ATP6V0A2: variants seen among roughly 807,000 people sequenced by gnomAD.
ATP6V0A2 encodes V-type proton ATPase 116 kDa subunit a 2.
ATP6V0A2 carries 58 observed loss-of-function variants against 104.4 expected under a neutral mutation model. The observed-to-expected ratio is 0.56, with a 90% CI of 0.45 to 0.69. ATP6V0A2 has a LOEUF of 0.69. Ranked by LOEUF, ATP6V0A2 falls within the 30% of genes least tolerant of loss-of-function variation. The pLI, the probability that ATP6V0A2 is intolerant of heterozygous loss-of-function variation, is 0.00. For synonymous variants in ATP6V0A2, 376 were observed against 397.9 expected, an observed-to-expected ratio of 0.95 and a Z score of 0.65; for missense variants, 938 against 1,062.9, an observed-to-expected ratio of 0.88 and a Z score of 1.63.
Position 123,748,689 on chromosome 12 carries a change from A to G in ATP6V0A2, c.1839A>G (p.Ser613=). Residue 613 remains serine, a synonymous_variant, in exon 15 of 20, where the codon TCA becomes TCG. Transcript: ENST00000330342. ...FMIFYKWLVF[S]AETSRVAPSI... ...TTTTCTACAAGTGGCTGGTTTTTTC[A>G]GCAGAAACCTCCAGAGTTGCTCCCA... is the stretch of plus-strand genomic sequence containing the variant. 1 of 1,614,152 alleles carries G rather than the reference A, an allele frequency of 6.2e-7. No homozygotes were observed. The highest frequency in any genetic ancestry group is 8.5e-7 in the Non-Finnish European group (1 of 1,180,012).
intron 3 of ATP6V0A2, chr12:123,724,144 CA>C (rs1956425897): frequency 6.6e-6 from 1 of 150,826 alleles, no homozygotes; most frequent in African/African-American, 2.4e-5. Context: ...AGCTGGAGTG[CA>C]GTGACACGAT....
intron 17 of ATP6V0A2, chr12:123,754,178 G>A (rs1017212368): frequency 3.3e-6 from 2 of 597,170 alleles, no homozygotes; most frequent in Non-Finnish European, 6.0e-6. Flanking sequence ...TGAGGCGTGC[G>A]GTGGGAGTGG....
chr12:123,742,665 C>T (rs575172305), intron 9 of ATP6V0A2, among the ~76,000 whole-genome samples: 21 of 152,078 alleles, frequency 1.4e-4, no homozygotes, highest in African/African-American at 2.2e-4. Flanking sequence ...GGTGAAACTC[C>T]GTCTCTACTA....
chr12:123,730,044 C>CTTTT (rs776847603), intron 6 of ATP6V0A2, among the ~76,000 whole-genome samples: 5 of 70,286 alleles, frequency 7.1e-5, no homozygotes, highest in African/African-American at 1.3e-4. Flanking sequence ...GGAGTTAGGT[C>CTTTT]TTTTTTTTTT....
chr12:123,725,740 T>C (rs1263876296), intron 4 of ATP6V0A2, among the ~76,000 whole-genome samples: 1 of 151,346 alleles, frequency 6.6e-6, no homozygotes, highest in African/African-American at 2.4e-5. Context: ...GAGCTATGAT[T>C]GCGCCACTGC....
At chr12:123,736,993 G>A (rs1956560455) in intron 8 of ATP6V0A2, 66 bp from the exon 9 acceptor site, 10 of 1,483,120 alleles carry the variant, frequency 6.7e-6, no homozygotes, top group East Asian at 2.3e-5. Context: ...AAGGGAAGTC[G>A]GGTGCCAGGT....
chr12:123,725,026 T>C (rs1956435982), intron 4 of ATP6V0A2, among the ~76,000 whole-genome samples: 1 of 152,060 alleles, frequency 6.6e-6, no homozygotes, highest in Admixed American at 6.6e-5. Context: ...CCCTCCGCCT[T>C]CCGGGTTCAA....
intron 3 of ATP6V0A2, 56 bp downstream of exon 3, chr12:123,722,504 T>G: frequency 1.0e-6 from 1 of 994,944 alleles, no homozygotes; most frequent in Non-Finnish European, 1.6e-6. Flanking sequence ...GCTGCTTACT[T>G]ACTTATTTCA....
At chr12:123,727,579 G>C (rs1335954223) in intron 5 of ATP6V0A2, among the ~76,000 whole-genome samples, 1 of 152,036 alleles carries the variant, frequency 6.6e-6, no homozygotes. Flanking sequence ...GCCCAGCCAA[G>C]AATTTCTCTT....
In ATP6V0A2 at chr12:123,751,121, G is replaced by T. The variant is rs1956709755; in HGVS notation, c.1947G>T (p.Gln649His). Residue 649 changes from glutamine to histidine, a missense_variant, in exon 16 of 20, where the codon CAG (glutamine) becomes CAT (histidine). Transcript: ENST00000330342. The stretch of plus-strand genomic sequence containing the variant: ...TTCTGCACTAACAGGAGTATGTCCA[G>T]AGAGTGCTGCTGGTTGTCACAGCAT... Reference protein sequence around the residue: ...SGLYTGQEYVQRVLLVVTALS... With the variant: ...SGLYTGQEYVHRVLLVVTALS... The T allele has an allele frequency of 1.9e-6, 3 of 1,614,034 alleles. No homozygotes were observed. The highest frequency in any genetic ancestry group is 2.5e-6 in the Non-Finnish European group (3 of 1,180,046).
At chr12:123,736,001 T>C (rs111910169) in intron 8 of ATP6V0A2, among the ~76,000 whole-genome samples, 4,556 of 151,942 alleles carry the variant, frequency 0.03, 226 homozygotes, top group African/African-American at 0.1. Flanking sequence ...GCCTCCCAAG[T>C]AGCCGGAATT....
chr12:123,721,664 C>A (rs1956401125), intron 2 of ATP6V0A2: 1 of 205,336 alleles, frequency 4.9e-6, no homozygotes, highest in Non-Finnish European at 1.0e-5. Flanking sequence ...TGACACTTGC[C>A]CCCCAGGCTG....
At chr12:123,722,267 GA>G (rs1956406819) in intron 2 of ATP6V0A2, 83 bp from the exon 3 acceptor site, 1 of 941,252 alleles carries the variant, frequency 1.1e-6, no homozygotes, top group Non-Finnish European at 1.7e-6. Context: ...GATGGCTTGG[GA>G]AACATTGGGC....
intron 6 of ATP6V0A2, 90 bp from the exon 7 acceptor site, chr12:123,733,836 T>A: frequency 2.2e-6 from 2 of 898,184 alleles, no homozygotes; most frequent in South Asian, 2.6e-5. Flanking sequence ...AATGAGTGAA[T>A]GAATGAACGC....
chr12:123,718,642 C>G lies in ATP6V0A2; in HGVS notation c.137C>G (p.Ser46Cys). ...QFRDLNQNVS[S>C]FQRKFVGEVK... ...TCTCAGCTCAACCAGAACGTAAGTT[C>G]TTTCCAAAGAAAATTTGTTGGTGAG... Residue 46 changes from serine (S) to cysteine (C), a missense_variant, in exon 2 of 20, where the codon TCT becomes TGT. By Grantham distance (112) the Ser-to-Cys change is moderately radical. Coordinates refer to ENST00000330342, the MANE Select transcript of ATP6V0A2 (RefSeq NM_012463.4). The G allele has an allele frequency of 6.2e-7, 1 of 1,612,554 alleles. No individual in the cohort carries two copies. Among genetic ancestry groups the G allele is most frequent in the South Asian group, 1.1e-5 (1 of 90,764 alleles).
intron 19 of ATP6V0A2, among the ~76,000 whole-genome samples, chr12:123,757,414 C>T (rs886303379): frequency 1.2e-5 from 1 of 81,354 alleles, no homozygotes; most frequent in African/African-American, 5.1e-5. Context: ...TTACTCCAGC[C>T]TGGGGGACGA....
intron 9 of ATP6V0A2, among the ~76,000 whole-genome samples, chr12:123,737,907 A>C (rs1456482374): frequency 2.0e-5 from 3 of 152,130 alleles, no homozygotes; most frequent in Non-Finnish European, 4.4e-5. Flanking sequence ...TAACTATTTA[A>C]TATTCTGTTG....
chr12:123,749,449 T>C (rs1956693921), intron 15 of ATP6V0A2, among the ~76,000 whole-genome samples: 1 of 152,206 alleles, frequency 6.6e-6, no homozygotes, highest in Admixed American at 6.5e-5. Context: ...GCTGTCACAG[T>C]GGGCTCTAAG....
Position 123,757,939 on chromosome 12 carries a change from G to A in ATP6V0A2, c.2478G>A (p.Gln826=). 2 of 1,577,020 alleles carry A rather than the reference G, an allele frequency of 1.3e-6. No homozygotes were observed. Among genetic ancestry groups the A allele is most frequent in the Non-Finnish European group, 8.6e-7 (1 of 1,159,074 alleles). ...TTTTTTTTTTTAGGGTAGAATTTCA[G>A]AACAAATTCTACGTTGGTGCAGGCA... The part of the protein sequence containing the change: ...HAIRLHWVEF[Q]NKFYVGAGTK... Residue 826 remains glutamine (Q), a synonymous_variant, in exon 20 of 20, where the codon CAG becomes CAA. Transcript: ENST00000330342.
Sources: allele counts gnomAD v4.1 joint callset (sites outside exome capture counted in the v4.1 genomes callset), GRCh38; gene constraint gnomAD v4.1.1; transcripts MANE v1.5; gene names NCBI Gene and HGNC (gene_info 2026-07-23, HGNC 2026-07-21).